The following CCBE1 variants were observed in gnomAD, a reference collection of about 807,000 sequenced individuals.
CCBE1 encodes the protein collagen and calcium binding EGF domains 1.
A neutral mutation model predicts 50.0 loss-of-function variants in CCBE1; 37 were observed. The ratio of observed to expected loss-of-function variants is 0.74; its 90% CI spans 0.57 to 0.97. CCBE1 has a LOEUF of 0.97. CCBE1 is among the 50% of genes least tolerant of loss of function. The pLI, the probability that CCBE1 is intolerant of heterozygous loss-of-function variation, is 0.00. For missense variants in CCBE1, 538 were observed against 523.8 expected (o/e 1.03, Z -0.26); for synonymous variants, 234 against 203.7 (o/e 1.15, Z -1.27).
intron 2 of CCBE1, among the ~76,000 whole-genome samples, chr18:59,680,047 C>T (rs1652068): frequency 0.9 from 136,875 of 151,878 alleles, 62,250 homozygotes; most frequent in Non-Finnish European, 0.97. Context: ...ATGGTGAAAC[C>T]CCGTCTCTAC....
At chr18:59,683,714 G>C (rs2054621626) in intron 2 of CCBE1, among the ~76,000 whole-genome samples, 1 of 148,976 alleles carries the variant, frequency 6.7e-6, no homozygotes, top group African/African-American at 2.6e-5. Flanking sequence ...AGAGAGGAAA[G>C]AAAGGAAAAA....
intron 2 of CCBE1, among the ~76,000 whole-genome samples, chr18:59,548,796 T>C (rs1377113359): frequency 6.6e-6 from 1 of 152,124 alleles, no homozygotes; most frequent in Admixed American, 6.5e-5. Context: ...GCTCTCAGGC[T>C]ACAAACCTGT....
rs183572765 is a variant in CCBE1 at position 59,674,661 on chromosome 18, T to A, written c.212+21968A>T. 2.4e-3 allele frequency among the ~76,000 whole-genome samples: 359 copies of A among 152,306 alleles called. 7 individuals are homozygous for A. In the Middle Eastern group the frequency reaches 0.027, roughly 12 times the overall value. ...ATAAACAAGGTCAATAAGAACATAT[T>A]TGAGCACAACCAAAATTAATATAAG... On this transcript the variant is annotated intron_variant, in intron 2 of 10. Transcript: ENST00000439986.
rs1408549039 is a variant in CCBE1, at chr18:59,498,679, G to A, written c.213-18441C>T. On this transcript the variant is annotated intron_variant, in intron 2 of 10. Coordinates refer to ENST00000439986, the MANE Select transcript of CCBE1 (RefSeq NM_133459.4). ...CAGAAGTTTTAGTGTTGTAGGCAACGTTAGTGCATAATTCATTTTCCGTGC... is the reference window on the plus strand; with the variant it reads ...CAGAAGTTTTAGTGTTGTAGGCAACATTAGTGCATAATTCATTTTCCGTGC... Among the ~76,000 whole-genome samples the A allele has an allele frequency of 3.3e-5, 5 of 152,218 alleles. No homozygotes were observed. The East Asian group carries it at 5.8e-4, about 18-fold the overall frequency.
At chr18:59,491,964 G>A (rs1434107311) in intron 2 of CCBE1, among the ~76,000 whole-genome samples, 1 of 151,356 alleles carries the variant, frequency 6.6e-6, no homozygotes, top group Non-Finnish European at 1.5e-5. Context: ...TGGGCAACAC[G>A]GTGAAACCCT....
rs569962617 is a variant in CCBE1, at chr18:59,605,504, G to A, written c.212+91125C>T. Among the ~76,000 whole-genome samples, 82 of 152,326 alleles carry A rather than the reference G, an allele frequency of 5.4e-4. 1 individual carries two copies. The highest frequency in any genetic ancestry group is 1.9e-3 in the African/African-American group (77 of 41,574). On this transcript the variant is annotated intron_variant, in intron 2 of 10. Transcript: ENST00000439986. ...TGAGCCTGAAAAAGAATGTGGTCCA[G>A]GTGGATAACTCTTAGGTTGGCCAGC...
intron 2 of CCBE1, among the ~76,000 whole-genome samples, chr18:59,648,431 C>G (rs2054084064): frequency 6.6e-6 from 1 of 152,150 alleles, no homozygotes; most frequent in African/African-American, 2.4e-5. Context: ...AGCAGCCAGG[C>G]ATGGGGGCTC....
intron 6 of CCBE1, among the ~76,000 whole-genome samples, chr18:59,452,040 G>A (rs1598911455): frequency 6.6e-6 from 1 of 152,270 alleles, no homozygotes; most frequent in African/African-American, 2.4e-5. Context: ...CATTTAAAAA[G>A]TGATAGGTCC....
chr18:59,446,158 A>G (rs1454156482), intron 7 of CCBE1, among the ~76,000 whole-genome samples: 2 of 152,292 alleles, frequency 1.3e-5, no homozygotes, highest in African/African-American at 4.8e-5. Context: ...TTCATCCTCA[A>G]TCATTCTCTG....
chr18:59,595,091 G>T (rs1465277979), intron 2 of CCBE1, among the ~76,000 whole-genome samples: 1 of 141,110 alleles, frequency 7.1e-6, no homozygotes, highest in East Asian at 2.0e-4. Flanking sequence ...CATCCAGCCT[G>T]GCAACAGAGC....
chr18:59,655,566 G>A (rs2054178341), intron 2 of CCBE1, among the ~76,000 whole-genome samples: 1 of 152,226 alleles, frequency 6.6e-6, no homozygotes, highest in Non-Finnish European at 1.5e-5. Flanking sequence ...TTTCCCCTCA[G>A]CTCTGCTCCT....
At chr18:59,454,138 T>C (rs1037727130) in intron 6 of CCBE1, among the ~76,000 whole-genome samples, 1 of 152,180 alleles carries the variant, frequency 6.6e-6, no homozygotes, top group African/African-American at 2.4e-5. Flanking sequence ...GAGACAATAT[T>C]CTCTATAAAT....
chr18:59,620,450 T>C (rs370089542), intron 2 of CCBE1, among the ~76,000 whole-genome samples: 15 of 152,202 alleles, frequency 9.9e-5, no homozygotes, highest in Admixed American at 5.9e-4. Context: ...GAATGAGTTA[T>C]TTTTGACCTA....
chr18:59,469,735 T>C (rs1911938738), intron 3 of CCBE1, 128 bp from the exon 4 acceptor site: 14 of 1,246,696 alleles, frequency 1.1e-5, no homozygotes, highest in Non-Finnish European at 1.6e-5. Context: ...CAGATATACT[T>C]GGAGGGACAG....
intron 2 of CCBE1, among the ~76,000 whole-genome samples, chr18:59,628,642 C>A (rs1228962424): frequency 1.3e-5 from 2 of 152,144 alleles, no homozygotes; most frequent in Non-Finnish European, 2.9e-5. Context: ...TGGGATCAGG[C>A]CTTCTAATCT....
intron 2 of CCBE1, among the ~76,000 whole-genome samples, chr18:59,579,087 G>A (rs1052094519): frequency 9.9e-5 from 15 of 152,026 alleles, no homozygotes; most frequent in African/African-American, 2.9e-4. Flanking sequence ...TGAGTTTTGC[G>A]CTCTCAGAAT....
intron 2 of CCBE1, among the ~76,000 whole-genome samples, chr18:59,487,784 G>T (rs1401613519): frequency 6.6e-6 from 1 of 152,134 alleles, no homozygotes; most frequent in African/African-American, 2.4e-5. Context: ...AAACAATATA[G>T]TGACACCTGA....
intron 2 of CCBE1, among the ~76,000 whole-genome samples, chr18:59,548,825 C>T (rs1915807762): frequency 2.0e-5 from 3 of 152,060 alleles, no homozygotes; most frequent in Admixed American, 2.0e-4. Flanking sequence ...CTAATGAATA[C>T]TGTATGCAAT....
intron 2 of CCBE1, among the ~76,000 whole-genome samples, chr18:59,588,199 A>G (rs1487008669): frequency 2.0e-5 from 3 of 152,222 alleles, no homozygotes; most frequent in African/African-American, 7.2e-5. Context: ...CTATAATTAC[A>G]TTAATCTGAG....
Sources: allele counts gnomAD v4.1 joint callset (sites outside exome capture counted in the v4.1 genomes callset), GRCh38; gene constraint gnomAD v4.1.1; transcripts MANE v1.5; gene names NCBI Gene and HGNC (gene_info 2026-07-23, HGNC 2026-07-21).